The following CCL5 variants were observed in gnomAD, a reference collection of about 807,000 sequenced individuals.
CCL5 encodes C-C motif chemokine 5.
A neutral mutation model predicts 9.0 loss-of-function variants in CCL5; 5 were observed. The ratio of observed to expected loss-of-function variants is 0.55; its 90% confidence interval spans 0.29 to 1.16. The LOEUF is 1.16. CCL5 is among the 50% of genes most tolerant of loss of function. CCL5 has a pLI of 0.08. For missense variants in CCL5, 183 were observed against 183.2 expected (o/e 1.00, Z 0.01); for synonymous variants, 66 against 72.0 (o/e 0.92, Z 0.42).
At chr17:35,877,307 A>G (rs2088452664) in intron 2 of CCL5, among the ~76,000 whole-genome samples, 2 of 152,122 alleles carry the variant, frequency 1.3e-5, no homozygotes, top group Non-Finnish European at 2.9e-5. Flanking sequence ...CCCGGGAGGC[A>G]AAGGATGCAG....
intron 2 of CCL5, among the ~76,000 whole-genome samples, chr17:35,877,201 A>C (rs776034052): frequency 2.0e-5 from 3 of 152,184 alleles, no homozygotes; most frequent in Admixed American, 1.3e-4. Flanking sequence ...CAGTGTCATA[A>C]ATTTTTGGAT....
In CCL5 at chr17:35,875,611, G is replaced by C; in HGVS notation, c.220C>G (p.Gln74Glu). 1.0e-6 allele frequency: 1 copy of C among 985,426 alleles called. No individual in the cohort carries two copies. Among genetic ancestry groups the C allele is most frequent in the Non-Finnish European group, 1.2e-6 (1 of 829,938 alleles). The allele number at this position is 985,426 out of a possible 1,614,324, so 61.0% of individuals were successfully genotyped here. Residue 74 changes from glutamine (Q) to glutamate (E), a missense_variant, in exon 3 of 4, where the codon CAG becomes GAG. By Grantham distance (29) the Gln-to-Glu change is conservative (BLOSUM62 2). Transcript: ENST00000651122. ...TACAGGAAATCCTGCCAGACTTGCTGTCCCTCTCTCTTTGGCATCCTTGAC... is the reference window on the plus strand; with the variant it reads ...TACAGGAAATCCTGCCAGACTTGCTCTCCCTCTCTCTTTGGCATCCTTGAC...
At chr17:35,878,217 A>AGCTT (rs763737842) in intron 2 of CCL5, among the ~76,000 whole-genome samples, 65 of 132,716 alleles carry the variant, frequency 4.9e-4, no homozygotes, top group Non-Finnish European at 9.2e-4. Context: ...CAGGAGGTGG[A>AGCTT]GCTTGCAGTG....
chr17:35,878,580 G>T lies in CCL5; in HGVS notation c.136C>A (p.His46Asn). ...CTGGTGTAGAAATACTCCTTGATGT[G>T]GGCACGGGGCAGTGGGCGGGCAATG... The change falls in exon 2 of 4, where the codon CAC becomes AAC. Residue 46 changes from histidine (H) to asparagine (N), a missense_variant. By Grantham distance (68) the His-to-Asn change is moderately conservative. Transcript: ENST00000651122. The T allele has an allele frequency of 6.2e-7, 1 of 1,614,032 alleles. No individual in the cohort carries two copies. Among genetic ancestry groups the T allele is most frequent in the Non-Finnish European group, 8.5e-7 (1 of 1,179,948 alleles).
At chr17:35,872,913 G>A (rs970896024) in intron 3 of CCL5, among the ~76,000 whole-genome samples, 5 of 151,738 alleles carry the variant, frequency 3.3e-5, no homozygotes, top group Non-Finnish European at 5.9e-5. Context: ...TTTTGAGATG[G>A]AGTCTTGCTC....
chr17:35,876,430 C>T (rs1455596920), intron 2 of CCL5, among the ~76,000 whole-genome samples: 1 of 152,176 alleles, frequency 6.6e-6, no homozygotes, highest in African/African-American at 2.4e-5. Flanking sequence ...TTTCACAAGG[C>T]TTAAGATGGT....
intron 2 of CCL5, chr17:35,875,700 A>G: frequency 5.6e-6 from 4 of 717,624 alleles, no homozygotes; most frequent in Non-Finnish European, 6.8e-6. Flanking sequence ...TCAGGCCTCC[A>G]TTTCCTGCCC....
At chr17:35,873,371 T>C (rs1222193882) in intron 3 of CCL5, among the ~76,000 whole-genome samples, 3 of 151,180 alleles carry the variant, frequency 2.0e-5, no homozygotes, top group Non-Finnish European at 4.4e-5. Flanking sequence ...GTATTTTTAG[T>C]AGAGACAGAG....
intron 3 of CCL5, among the ~76,000 whole-genome samples, chr17:35,873,228 C>T (rs2088396976): frequency 7.0e-6 from 1 of 142,032 alleles, no homozygotes; most frequent in Non-Finnish European, 1.5e-5. Flanking sequence ...CTCACTGTCA[C>T]CCAGGCTGGA....
chr17:35,872,721 G>A (rs1362919922), intron 3 of CCL5, among the ~76,000 whole-genome samples: 2 of 152,140 alleles, frequency 1.3e-5, no homozygotes, highest in African/African-American at 4.8e-5. Flanking sequence ...AGCCTGAAAA[G>A]CTAAGAGGAT....
At chr17:35,878,868 T>C (rs565955653) in intron 1 of CCL5, among the ~76,000 whole-genome samples, 3 of 152,284 alleles carry the variant, frequency 2.0e-5, no homozygotes, top group South Asian at 2.1e-4. Flanking sequence ...CTCTACACCA[T>C]AACCTTCTGC....
At chr17:35,873,393 T>G (rs1024901291) in intron 3 of CCL5, among the ~76,000 whole-genome samples, 2 of 150,410 alleles carry the variant, frequency 1.3e-5, no homozygotes, top group Non-Finnish European at 2.9e-5. Context: ...TTCACTGTGT[T>G]AGCCAGGATG....
chr17:35,878,736 T>G, intron 1 of CCL5, 97 bp from the exon 2 acceptor site: 2 of 728,282 alleles, frequency 2.7e-6, no homozygotes, highest in Non-Finnish European at 4.6e-6. Context: ...TAGAAAGAAC[T>G]GTTATCTTCC....
chr17:35,879,342 G>A (rs1339455969), intron 1 of CCL5, among the ~76,000 whole-genome samples: 1 of 152,124 alleles, frequency 6.6e-6, no homozygotes, highest in Non-Finnish European at 1.5e-5. Context: ...TAAATAAGAT[G>A]TACAAAAATC....
chr17:35,877,049 A>G (rs28914806), intron 2 of CCL5, among the ~76,000 whole-genome samples: 1 of 152,318 alleles, frequency 6.6e-6, no homozygotes, highest in African/African-American at 2.4e-5. Flanking sequence ...GTGTCTGCCA[A>G]TAGTATGTGC....
Position 35,872,237 on chromosome 17 carries a change from G to A in CCL5, c.*33C>T. ...CACGTCCAGCCTGGGGAAGGTTTTTGTAACTGCTGCTGTGTGGTAGAATCT... is the reference window on the plus strand; with the variant it reads ...CACGTCCAGCCTGGGGAAGGTTTTTATAACTGCTGCTGTGTGGTAGAATCT... On this transcript the variant is annotated 3_prime_UTR_variant, in exon 4 of 4. Coordinates refer to ENST00000651122, the MANE Select transcript of CCL5 (RefSeq NM_001278736.2). The A allele has an allele frequency of 2.1e-6, 3 of 1,444,936 alleles. No individual in the cohort carries two copies. Among genetic ancestry groups the A allele is most frequent in the Non-Finnish European group, 2.8e-6 (3 of 1,088,780 alleles). 89.5% of individuals were successfully genotyped at this position (1,444,936 alleles called of 1,614,324 possible).
At position 35,875,450 on chromosome 17, in the gene CCL5, C is replaced by T. The variant is rs530869558; in HGVS notation, c.270+111G>A. 11 of 305,160 alleles carry T rather than the reference C, an allele frequency of 3.6e-5. No individual in the cohort carries two copies. In the East Asian group the frequency reaches 5.2e-4, roughly 14 times the overall value. The allele number at this position is 305,160 out of a possible 1,614,324, so 18.9% of individuals were successfully genotyped here. ...GAGCCACTTGACCATCTCTTTTTCT[C>T]CCACCCCGGTGTGCAGAGATGAAAA... is the stretch of plus-strand genomic sequence containing the variant. On this transcript the variant is annotated intron_variant, in intron 3 of 3. Transcript: ENST00000651122.
At position 35,875,591 on chromosome 17, in the gene CCL5, G is replaced by A; in HGVS notation, c.240C>T (p.Phe80=). ...CCTTGTTCAGCCGGGAGTCATACAG[G>A]AAATCCTGCCAGACTTGCTGTCCCT... is the stretch of plus-strand genomic sequence containing the variant. Residue 80 remains phenylalanine, a synonymous_variant, in exon 3 of 4, where the codon TTC becomes TTT. Coordinates refer to ENST00000651122, the MANE Select transcript of CCL5 (RefSeq NM_001278736.2). The A allele has an allele frequency of 3.0e-6, 3 of 985,400 alleles. No homozygotes were observed. Among genetic ancestry groups the A allele is most frequent in the Non-Finnish European group, 3.6e-6 (3 of 829,926 alleles). 61.0% of individuals were successfully genotyped at this position (985,400 alleles called of 1,614,324 possible).
chr17:35,872,650 A>G (rs982361824), intron 3 of CCL5, among the ~76,000 whole-genome samples, 186 bp from the exon 3 acceptor site: 1 of 152,198 alleles, frequency 6.6e-6, no homozygotes, highest in Non-Finnish European at 1.5e-5. Context: ...TGTTGGATCA[A>G]AGGGCTCCAA....
Sources: gnomAD v4.1 joint callset for allele counts (sites outside exome capture counted in the v4.1 genomes callset) on GRCh38, gnomAD v4.1.1 for gene constraint, MANE v1.5 for transcripts, NCBI Gene and HGNC (gene_info 2026-07-23, HGNC 2026-07-21) for gene names.